SLC8A1: variants seen among roughly 807,000 people sequenced by gnomAD.
SLC8A1 encodes the protein sodium/calcium exchanger 1.
Under a neutral mutation model 68.3 loss-of-function variants are expected in SLC8A1, and 18 were observed. That is an observed-to-expected ratio of 0.26 (90% confidence interval 0.18 to 0.39). The LOEUF (loss-of-function observed/expected upper bound fraction) is 0.39, where lower values mean the gene tolerates loss of function less well. Among genes scored for constraint, SLC8A1 ranks in the 10% least tolerant of loss-of-function variants. The probability of loss-of-function intolerance (pLI) is 1.00; values close to 1 mark genes in which losing one functional copy is unlikely to be tolerated. For missense variants in SLC8A1, 985 were observed against 1,156.7 expected (o/e 0.85, Z 2.15); for synonymous variants, 475 against 415.5 (o/e 1.14, Z -1.74).
intron 6 of SLC8A1, among the ~76,000 whole-genome samples, chr2:40,147,821 A>G (rs1178532354): frequency 6.6e-6 from 1 of 152,236 alleles, no homozygotes; most frequent in African/African-American, 2.4e-5. Context: ...TGATTCATCT[A>G]TGAATGCAGG....
chr2:40,345,598 T>C (rs890361515), intron 2 of SLC8A1, among the ~76,000 whole-genome samples: 3 of 152,174 alleles, frequency 2.0e-5, no homozygotes, highest in Admixed American at 6.6e-5. Flanking sequence ...AAAGTATCCC[T>C]GACTATGAGC....
chr2:40,277,030 T>A (rs1463809216), intron 2 of SLC8A1, among the ~76,000 whole-genome samples: 2 of 152,196 alleles, frequency 1.3e-5, no homozygotes, highest in African/African-American at 2.4e-5. Flanking sequence ...ATATGCCATA[T>A]GTAAATTAAA....
chr2:40,228,120 G>A (rs996279743), intron 2 of SLC8A1, among the ~76,000 whole-genome samples: 4 of 152,178 alleles, frequency 2.6e-5, no homozygotes, highest in African/African-American at 7.2e-5. Context: ...ATCAGTGCAA[G>A]TGTTGACAAA....
intron 1 of SLC8A1, among the ~76,000 whole-genome samples, chr2:40,431,602 A>C (rs1047020739): frequency 1.3e-5 from 2 of 152,094 alleles, no homozygotes; most frequent in Non-Finnish European, 2.9e-5. Context: ...GGTCTGCTCC[A>C]AGTCAAGGTG....
chr2:40,268,410 T>A (rs1268049196), intron 2 of SLC8A1, among the ~76,000 whole-genome samples: 1 of 152,180 alleles, frequency 6.6e-6, no homozygotes, highest in Non-Finnish European at 1.5e-5. Context: ...CTCTAACATT[T>A]TTCATGCACT....
At chr2:40,228,601 C>T (rs181526743) in intron 2 of SLC8A1, among the ~76,000 whole-genome samples, 1 of 152,294 alleles carries the variant, frequency 6.6e-6, no homozygotes, top group East Asian at 1.9e-4. Flanking sequence ...ATGAAAGACC[C>T]CCAGGTCTTC....
At chr2:40,250,546 CGTGTGTTTAT>C (rs986769203) in intron 2 of SLC8A1, 4 of 151,996 alleles carry the variant, frequency 2.6e-5, no homozygotes, top group African/African-American at 9.7e-5. Flanking sequence ...TCAGGAGACT[CGTGTGTTTAT>C]AATTCTGATG....
chr2:40,478,884 G>A (rs143466356), intron 1 of SLC8A1, among the ~76,000 whole-genome samples: 3 of 151,728 alleles, frequency 2.0e-5, no homozygotes, highest in Non-Finnish European at 4.4e-5. Flanking sequence ...CAATTCTCAT[G>A]CCTCAGCCTC....
At chr2:40,271,164 C>T (rs1050449800) in intron 2 of SLC8A1, among the ~76,000 whole-genome samples, 1 of 110,436 alleles carries the variant, frequency 9.1e-6, no homozygotes, top group Non-Finnish European at 1.7e-5. Context: ...AGAACAAGAC[C>T]CCCAAGCCCC....
At chr2:40,131,018 A>C (rs1299794788) in intron 7 of SLC8A1, among the ~76,000 whole-genome samples, 1 of 152,220 alleles carries the variant, frequency 6.6e-6, no homozygotes, top group Non-Finnish European at 1.5e-5. Flanking sequence ...TTATCAGTGC[A>C]TTGAAATAGA....
chr2:40,434,436 T>TTTTC (rs926723454), intron 1 of SLC8A1, among the ~76,000 whole-genome samples: 3 of 152,282 alleles, frequency 2.0e-5, no homozygotes, highest in African/African-American at 7.2e-5. Flanking sequence ...CATCCTTTTG[T>TTTTC]TTTCTTTCTT....
At chr2:40,237,769 A>G (rs1013785903) in intron 2 of SLC8A1, among the ~76,000 whole-genome samples, 13 of 152,054 alleles carry the variant, frequency 8.5e-5, no homozygotes, top group African/African-American at 2.4e-4. Flanking sequence ...ATGGTGATGT[A>G]CAGATGGGTT....
At chr2:40,196,267 GAC>G (rs1430226734) in intron 2 of SLC8A1, among the ~76,000 whole-genome samples, 1 of 151,972 alleles carries the variant, frequency 6.6e-6, no homozygotes, top group Admixed American at 6.6e-5. Flanking sequence ...TGAATGAAAT[GAC>G]ACATGGTAGG....
At position 40,413,768 on chromosome 2, in the gene SLC8A1, A is replaced by T. The variant is rs78189610; in HGVS notation, c.1808+14705T>A. On this transcript the variant is annotated intron_variant, in intron 2 of 7. Transcript: ENST00000406785. The stretch of plus-strand genomic sequence containing the variant: ...AAGACATGCCAAGAAGTTTCATTTA[A>T]ATTTCCTTTGTTCATAAGGCAAATT... Among the ~76,000 whole-genome samples, 943 of 152,284 alleles carry T rather than the reference A, an allele frequency of 6.2e-3. 13 individuals carry two copies. Among genetic ancestry groups the T allele is most frequent in the African/African-American group, 0.022 (894 of 41,570 alleles).
At chr2:40,458,601 G>A (rs982483457) in intron 1 of SLC8A1, among the ~76,000 whole-genome samples, 29 of 152,068 alleles carry the variant, frequency 1.9e-4, no homozygotes, top group African/African-American at 6.3e-4. Flanking sequence ...TATCTACACC[G>A]GTGTTCTGCC....
chr2:40,384,099 G>A (rs6746987), intron 2 of SLC8A1, among the ~76,000 whole-genome samples: 100,109 of 146,176 alleles, frequency 0.68, 33,491 homozygotes, highest in African/African-American at 0.76. Context: ...CATCTCTACA[G>A]TTTTTTTTTT....
intron 2 of SLC8A1, 119 bp downstream of exon 2, chr2:40,428,354 T>A: frequency 2.1e-6 from 3 of 1,399,512 alleles, no homozygotes; most frequent in South Asian, 1.7e-5. Context: ...GTATAAAAGC[T>A]ATTCCATTCC....
At chr2:40,244,702 T>C (rs999990756) in intron 2 of SLC8A1, among the ~76,000 whole-genome samples, 3 of 151,982 alleles carry the variant, frequency 2.0e-5, no homozygotes, top group African/African-American at 7.2e-5. Context: ...AGATCCTACC[T>C]CAGTTTTCAG....
chr2:40,484,698 G>A (rs1053862586), intron 1 of SLC8A1, among the ~76,000 whole-genome samples: 3 of 152,220 alleles, frequency 2.0e-5, no homozygotes, highest in Non-Finnish European at 4.4e-5. Flanking sequence ...AATAAGGAAA[G>A]GAGGGCTGAG....
Sources: gnomAD v4.1 joint callset for allele counts (sites outside exome capture counted in the v4.1 genomes callset) on GRCh38, gnomAD v4.1.1 for gene constraint, MANE v1.5 for transcripts, NCBI Gene and HGNC (gene_info 2026-07-23, HGNC 2026-07-21) for gene names.